The following REPS2 variants were observed in gnomAD, a reference collection of about 807,000 sequenced individuals.
REPS2 encodes the protein RALBP1 associated Eps domain containing 2.
In REPS2, 23 loss-of-function variants were observed where a neutral mutation model predicts 53.6. The observed-to-expected ratio is 0.43, with a 90% CI of 0.31 to 0.61. REPS2 has a LOEUF of 0.61. Ranked by LOEUF, REPS2 falls within the 20% of genes least tolerant of loss-of-function variation. REPS2 has a pLI of 0.11. For missense variants in REPS2, 446 were observed against 534.9 expected (o/e 0.83, Z 1.64); for synonymous variants, 238 against 218.6 (o/e 1.09, Z -0.78).
chrX:17,048,366 T>G (rs1381959833), intron 6 of REPS2, among the ~76,000 whole-genome samples: 2 of 112,231 alleles, frequency 1.8e-5, no homozygotes, highest in African/African-American at 6.5e-5. Context: ...ACGTCATGAT[T>G]AAGGAAAATA....
At chrX:17,004,282 CT>C (rs1422447383) in intron 1 of REPS2, among the ~76,000 whole-genome samples, 3 of 109,663 alleles carry the variant, frequency 2.7e-5, no homozygotes, top group Non-Finnish European at 3.8e-5. Flanking sequence ...CTGGGATAAA[CT>C]TTTTTTTTCA....
At chrX:17,155,630 G>A (rs2063607689), downstream of REPS2, among the ~76,000 whole-genome samples, 1 of 112,191 alleles carries the variant, frequency 8.9e-6, no homozygotes, top group Non-Finnish European at 1.9e-5. Flanking sequence ...TTCATGAGTA[G>A]TCAAGGAATG....
At chrX:17,012,586 C>A (rs1473077904) in intron 2 of REPS2, among the ~76,000 whole-genome samples, 1 of 108,291 alleles carries the variant, frequency 9.2e-6, no homozygotes, top group Non-Finnish European at 1.9e-5. Flanking sequence ...CCCGTGATTT[C>A]TTTTCACTAG....
intron 1 of REPS2, among the ~76,000 whole-genome samples, chrX:16,980,348 G>C (rs1388751917): frequency 1.8e-5 from 2 of 110,045 alleles, no homozygotes; most frequent in African/African-American, 6.6e-5. Context: ...CTGTCGCCAG[G>C]CTGGAGTGCA....
intron 1 of REPS2, among the ~76,000 whole-genome samples, chrX:16,964,208 G>A (rs1376662080): frequency 9.3e-6 from 1 of 107,928 alleles, no homozygotes; most frequent in Non-Finnish European, 1.9e-5. Context: ...CTGGGTACTT[G>A]AGATTAGGGA....
chrX:16,947,384 ACTCT>A (rs1421569185), intron 1 of REPS2, among the ~76,000 whole-genome samples: 1 of 107,699 alleles, frequency 9.3e-6, no homozygotes, highest in African/African-American at 3.4e-5. Flanking sequence ...ACAGTCTGAC[ACTCT>A]CTCCCCTCCC....
chrX:17,121,865 C>T (rs1023513260), intron 14 of REPS2, among the ~76,000 whole-genome samples: 2 of 111,240 alleles, frequency 1.8e-5, no homozygotes, highest in African/African-American at 6.5e-5. Context: ...ATTTTCCTGC[C>T]TCAGCCTTCC....
chrX:17,061,790 C>G (rs931911483), intron 8 of REPS2, among the ~76,000 whole-genome samples: 2 of 112,367 alleles, frequency 1.8e-5, no homozygotes, highest in African/African-American at 6.5e-5. Context: ...CTGATCTTTC[C>G]TCGTGTGAAT....
chrX:16,984,559 T>C (rs763260937), intron 1 of REPS2, among the ~76,000 whole-genome samples: 2 of 112,277 alleles, frequency 1.8e-5, no homozygotes, highest in Non-Finnish European at 3.8e-5. Context: ...ATGATCCTCA[T>C]TTGCCATAGT....
intron 17 of REPS2, among the ~76,000 whole-genome samples, chrX:17,139,841 A>T (rs1477397308): frequency 9.0e-6 from 1 of 111,129 alleles, no homozygotes; most frequent in Admixed American, 9.5e-5. Flanking sequence ...TCTTATAAGG[A>T]CACCAATCAT....
At chrX:17,174,823 A>G in the REPS2 span, among the ~76,000 whole-genome samples, 2 of 112,202 alleles carry the variant, frequency 1.8e-5, no homozygotes, top group East Asian at 2.8e-4. Context: ...TGCTGCTGCT[A>G]TTTTTCTAGA....
At chrX:17,126,347 C>G (rs763977716) in intron 14 of REPS2, among the ~76,000 whole-genome samples, 11 of 111,687 alleles carry the variant, frequency 9.8e-5, no homozygotes, top group Non-Finnish European at 2.1e-4. Flanking sequence ...ATGCACCTCC[C>G]CAAGGGTTAG....
At chrX:17,035,939 A>C (rs2061760256) in intron 5 of REPS2, among the ~76,000 whole-genome samples, 1 of 112,094 alleles carries the variant, frequency 8.9e-6, no homozygotes, top group Admixed American at 9.5e-5. Flanking sequence ...AATAAGCTTT[A>C]TTAACGTTCT....
chrX:16,977,380 T>C (rs2060967959), intron 1 of REPS2, among the ~76,000 whole-genome samples: 1 of 110,718 alleles, frequency 9.0e-6, no homozygotes, highest in Non-Finnish European at 1.9e-5. Flanking sequence ...GAAGAATGCT[T>C]AGGCTACCTT....
chrX:17,002,005 G>T lies in REPS2; in HGVS notation c.274-4216G>T, dbSNP rs2061313708. On this transcript the variant is annotated intron_variant, in intron 1 of 17. Coordinates refer to ENST00000357277, the MANE Select transcript of REPS2 (RefSeq NM_004726.3). Reference sequence around the variant, plus strand: ...TTCTGGGAGATACAATTCAAGTTGAGATTTGGGTGAGGACACAGCCAAACC... The same window carrying T: ...TTCTGGGAGATACAATTCAAGTTGATATTTGGGTGAGGACACAGCCAAACC... Among the ~76,000 whole-genome samples, 4 of 112,104 alleles carry T rather than the reference G, an allele frequency of 3.6e-5. No homozygotes were observed. In the South Asian group the frequency reaches 1.5e-3, roughly 42 times the overall value.
intron 13 of REPS2, among the ~76,000 whole-genome samples, chrX:17,084,766 C>G (rs940966309): frequency 6.3e-5 from 7 of 111,894 alleles, no homozygotes; most frequent in Admixed American, 9.4e-5. Context: ...TGTAAATGTT[C>G]TTTATATATT....
intron 2 of REPS2, 65 bp from the exon 3 acceptor site, chrX:17,022,058 G>T: frequency 9.8e-7 from 1 of 1,025,376 alleles, no homozygotes; most frequent in African/African-American, 1.9e-5. Context: ...TGGCCATTGA[G>T]TTCCCCTTTT....
intron 2 of REPS2, among the ~76,000 whole-genome samples, chrX:17,015,898 A>G (rs1166127398): frequency 2.7e-5 from 3 of 112,150 alleles, no homozygotes. Context: ...TTATAGCAGC[A>G]TGATTTATAA....
chrX:17,168,316 C>G, the REPS2 span, among the ~76,000 whole-genome samples: 63 of 111,551 alleles, frequency 5.6e-4, 1 homozygote, highest in Non-Finnish European at 1.1e-3. Context: ...GAGTTTGAGA[C>G]CATCCTAGGC....
Sources: allele counts gnomAD v4.1 joint callset (sites outside exome capture counted in the v4.1 genomes callset), GRCh38; gene constraint gnomAD v4.1.1; transcripts MANE v1.5; gene names NCBI Gene and HGNC (gene_info 2026-07-23, HGNC 2026-07-21).